Variants in ENTHD1 observed in about 807,000 individuals in gnomAD.
The protein encoded by ENTHD1 is ENTH domain-containing protein 1.
Under a neutral mutation model 39.1 loss-of-function variants are expected in ENTHD1, and 23 were observed. The observed-to-expected ratio is 0.59, with a 90% CI of 0.42 to 0.83. The LOEUF (loss-of-function observed/expected upper bound fraction) is 0.83, where lower values mean the gene tolerates loss of function less well. Among genes scored for constraint, ENTHD1 ranks in the 40% least tolerant of loss-of-function variants. The probability of loss-of-function intolerance (pLI) is 0.00; values close to 1 mark genes in which losing one functional copy is unlikely to be tolerated. For synonymous variants in ENTHD1, 230 were observed against 258.2 expected (o/e 0.89, Z 1.05); for missense variants, 624 against 705.4 (o/e 0.88, Z 1.31).
At chr22:39,844,556 C>T (rs1431841993) in intron 3 of ENTHD1, among the ~76,000 whole-genome samples, 3 of 151,986 alleles carry the variant, frequency 2.0e-5, no homozygotes, top group East Asian at 1.9e-4. Context: ...TCACCCAGTA[C>T]GCAATGAGGT....
At chr22:39,829,703 A>G (rs1232187348) in intron 4 of ENTHD1, among the ~76,000 whole-genome samples, 1 of 151,950 alleles carries the variant, frequency 6.6e-6, no homozygotes, top group East Asian at 1.9e-4. Flanking sequence ...AGGCAGGACA[A>G]TCACTTGAAC....
At chr22:39,807,892 T>C (rs1020720808) in intron 5 of ENTHD1, among the ~76,000 whole-genome samples, 5 of 149,798 alleles carry the variant, frequency 3.3e-5, no homozygotes, top group African/African-American at 1.2e-4. Flanking sequence ...TACGTACGTG[T>C]GTGTGTGTGT....
intron 1 of ENTHD1, among the ~76,000 whole-genome samples, chr22:39,892,815 G>A (rs944464703): frequency 2.6e-5 from 4 of 152,200 alleles, no homozygotes; most frequent in Admixed American, 6.5e-5. Context: ...GTAAGGAAAT[G>A]AGCTCTGGCC....
intron 5 of ENTHD1, among the ~76,000 whole-genome samples, chr22:39,789,353 A>G (rs1372892858): frequency 6.6e-6 from 1 of 151,682 alleles, no homozygotes; most frequent in East Asian, 1.9e-4. Context: ...TCTCAATTGA[A>G]TTTTTTTTCT....
At chr22:39,855,267 C>G (rs900900813) in intron 3 of ENTHD1, among the ~76,000 whole-genome samples, 1 of 152,196 alleles carries the variant, frequency 6.6e-6, no homozygotes. Context: ...CTAGTTGCTA[C>G]TCATATCAAA....
intron 5 of ENTHD1, among the ~76,000 whole-genome samples, chr22:39,786,976 A>T (rs1260378186): frequency 6.6e-6 from 1 of 152,218 alleles, no homozygotes; most frequent in Non-Finnish European, 1.5e-5. Context: ...CAAAAAACAA[A>T]ATTGAAGGTC....
At chr22:39,814,295 C>CAAAAA (rs77915572) in intron 5 of ENTHD1, among the ~76,000 whole-genome samples, 7 of 97,718 alleles carry the variant, frequency 7.2e-5, no homozygotes, top group African/African-American at 1.8e-4. Context: ...CCCATCTCTA[C>CAAAAA]AAAAAAAAAA....
intron 4 of ENTHD1, among the ~76,000 whole-genome samples, chr22:39,833,202 G>A (rs34494075): frequency 3.9e-5 from 6 of 152,134 alleles, no homozygotes; most frequent in South Asian, 2.1e-4. Flanking sequence ...TCTTATGGGG[G>A]TGAAGGGGAA....
At chr22:39,889,959 T>A (rs1482436874) in intron 1 of ENTHD1, among the ~76,000 whole-genome samples, 1 of 151,742 alleles carries the variant, frequency 6.6e-6, no homozygotes, top group Non-Finnish European at 1.5e-5. Context: ...TTAGCCAGGC[T>A]TGGTGGCACA....
rs953632196 is a variant in ENTHD1, at chr22:39,887,640, T to C, written c.109A>G (p.Met37Val). The C allele has an allele frequency of 1.2e-6, 2 of 1,614,146 alleles. No individual in the cohort carries two copies. Among genetic ancestry groups the C allele is most frequent in the African/African-American group, 2.7e-5 (2 of 75,034 alleles). ...AAAGTCAAGTCACTGATATCTAACA[T>C]CAGAGAACTAGAGGGACCCCAAGGG... ...NDPWGPSSSL[M>V]LDISDLTFNT... Residue 37 changes from methionine to valine, a missense_variant, in exon 2 of 7, where the codon ATG becomes GTG. Coordinates refer to ENST00000325157, the MANE Select transcript of ENTHD1 (RefSeq NM_152512.4).
intron 3 of ENTHD1, among the ~76,000 whole-genome samples, chr22:39,840,972 C>T (rs1022670401): frequency 6.6e-6 from 1 of 152,064 alleles, no homozygotes; most frequent in Admixed American, 6.6e-5. Flanking sequence ...GATCTGCTGT[C>T]CTCGTGATCC....
chr22:39,803,053 A>G (rs1407005482), intron 5 of ENTHD1, among the ~76,000 whole-genome samples: 1 of 152,104 alleles, frequency 6.6e-6, no homozygotes, highest in Non-Finnish European at 1.5e-5. Flanking sequence ...TTGTGTTTAA[A>G]TAAATACAAA....
At chr22:39,843,223 A>G (rs1601634121) in intron 3 of ENTHD1, among the ~76,000 whole-genome samples, 2 of 152,160 alleles carry the variant, frequency 1.3e-5, no homozygotes, top group South Asian at 4.1e-4. Flanking sequence ...ATGTCCAACA[A>G]TGATAGACTG....
chr22:39,819,796 G>A (rs2146647141), intron 5 of ENTHD1, among the ~76,000 whole-genome samples: 1 of 152,342 alleles, frequency 6.6e-6, no homozygotes, highest in African/African-American at 2.4e-5. Context: ...CCACTCTGGT[G>A]TGGAACAGGG....
intron 5 of ENTHD1, among the ~76,000 whole-genome samples, chr22:39,816,885 A>AT (rs2065737746): frequency 1.3e-5 from 2 of 151,930 alleles, no homozygotes; most frequent in South Asian, 4.1e-4. Context: ...GCAGAGAAAG[A>AT]ATCAGATATC....
chr22:39,840,032 T>C (rs1011834413), intron 3 of ENTHD1, among the ~76,000 whole-genome samples: 4 of 152,168 alleles, frequency 2.6e-5, no homozygotes, highest in Non-Finnish European at 5.9e-5. Flanking sequence ...AAGTGAGGTG[T>C]GCTTAATTAG....
chr22:39,806,975 G>A (rs1569148664), intron 5 of ENTHD1, among the ~76,000 whole-genome samples: 1 of 152,166 alleles, frequency 6.6e-6, no homozygotes. Context: ...AACATCAGAG[G>A]CTGGGGGAAG....
intron 5 of ENTHD1, among the ~76,000 whole-genome samples, chr22:39,804,097 G>A (rs1489188559): frequency 6.6e-6 from 1 of 152,070 alleles, no homozygotes; most frequent in Non-Finnish European, 1.5e-5. Context: ...CTGAGAGGTT[G>A]AGGCAGCAGT....
At chr22:39,791,697 C>T (rs1317178568) in intron 5 of ENTHD1, among the ~76,000 whole-genome samples, 3 of 152,208 alleles carry the variant, frequency 2.0e-5, no homozygotes, top group East Asian at 1.9e-4. Context: ...CATGTCTGGC[C>T]TAACATTATA....
Sources: allele counts gnomAD v4.1 joint callset (sites outside exome capture counted in the v4.1 genomes callset), GRCh38; gene constraint gnomAD v4.1.1; transcripts MANE v1.5; gene names NCBI Gene and HGNC (gene_info 2026-07-23, HGNC 2026-07-21).